FMO3: variants seen among roughly 807,000 people sequenced by gnomAD.
FMO3 encodes the protein flavin-containing monooxygenase 3.
A neutral mutation model predicts 39.4 loss-of-function variants in FMO3; 40 were observed. The ratio of observed to expected loss-of-function variants is 1.02; its 90% CI spans 0.79 to 1.32. The LOEUF (loss-of-function observed/expected upper bound fraction) is 1.32. FMO3 is among the 40% of genes most tolerant of loss of function. FMO3 has a pLI of 0.00. For missense variants in FMO3, 680 were observed against 651.8 expected (o/e 1.04, Z -0.47); for synonymous variants, 219 against 228.8 (o/e 0.96, Z 0.39).
At chr1:171,114,748 C>T (rs28363584) in intron 7 of FMO3, among the ~76,000 whole-genome samples, 6,006 of 152,142 alleles carry the variant, frequency 0.039, 376 homozygotes, top group African/African-American at 0.14. Context: ...AATATGTTTA[C>T]GAGCCAACAT....
Position 171,117,748 on chromosome 1 carries a change from T to C in FMO3, c.*306T>C, listed in dbSNP as rs1415297055. 1 of 255,152 alleles carries C rather than the reference T, an allele frequency of 3.9e-6. No individual in the cohort carries two copies. Among genetic ancestry groups the C allele is most frequent in the Non-Finnish European group, 7.5e-6 (1 of 133,836 alleles). 15.8% of individuals were successfully genotyped at this position (255,152 alleles called of 1,614,324 possible). A position where few individuals can be genotyped will look rare whatever the true frequency, so the allele number is the denominator to read the frequency against. On this transcript the variant is annotated 3_prime_UTR_variant, in exon 9 of 9. Coordinates refer to ENST00000367755, the MANE Select transcript of FMO3 (RefSeq NM_001002294.3). ...TGAAACATTTTGACATGATTCCTTT[T>C]TCCTTTTAAACAATGTATGAAAGAT... is the stretch of plus-strand genomic sequence containing the variant.
chr1:171,116,979 T>A, intron 8 of FMO3, 121 bp from the exon 9 acceptor site: 1 of 777,418 alleles, frequency 1.3e-6, no homozygotes, highest in South Asian at 1.5e-5. Flanking sequence ...GGGAAATTTT[T>A]TTAGAAAGAG....
rs774785217 is a variant in FMO3 at position 171,116,272 on chromosome 1, G to T, written c.1248G>T (p.Lys416Asn). The change falls in exon 8 of 9, where the codon AAG becomes AAT. Residue 416 changes from lysine (K) to asparagine (N), a missense_variant. Lys to Asn is a moderately conservative substitution (Grantham distance 94). Transcript: ENST00000367755. ...MNDINEKMEK[K>N]RKWFGKSETI... Reference sequence around the variant, plus strand: ...ATATTAATGAGAAAATGGAGAAAAAGCGCAAATGGTAAGAGTACCTATTGT... The same window carrying T: ...ATATTAATGAGAAAATGGAGAAAAATCGCAAATGGTAAGAGTACCTATTGT... 2.1e-5 allele frequency: 33 copies of T among 1,577,182 alleles called. No individual in the cohort carries two copies. In the African/African-American group the frequency reaches 4.0e-4, roughly 19 times the overall value.
chr1:171,104,380 T>G (rs1222138159), intron 3 of FMO3, among the ~76,000 whole-genome samples: 1 of 151,992 alleles, frequency 6.6e-6, no homozygotes, highest in Non-Finnish European at 1.5e-5. Flanking sequence ...AAGCTATATT[T>G]TCATGAAAAT....
At chr1:171,107,889 T>C (rs1655719808) in intron 4 of FMO3, 52 bp downstream of exon 4, 1 of 1,552,414 alleles carries the variant, frequency 6.4e-7, no homozygotes, top group Non-Finnish European at 8.9e-7. Flanking sequence ...AATGAATATC[T>C]TGATAATGTC....
rs1491505210 is a variant in FMO3 at position 171,096,071 on chromosome 1, T to TAATATATATTATATATAAATATA, written c.132+3281_132+3282insAATATATATTATATATAAATATA. Among the ~76,000 whole-genome samples, 443 of 53,600 alleles carry TAATATATATTATATATAAATATA rather than the reference T, an allele frequency of 8.3e-3. 11 individuals are homozygous for TAATATATATTATATATAAATATA. The highest frequency in any genetic ancestry group is 0.043 in the African/African-American group (416 of 9,596). The allele number at this position is 53,600 out of a possible 152,430, so 35.2% of individuals were successfully genotyped here. ...ATAAATATATAATATATATTATATA[T>TAATATATATTATATATAAATATA]TAATATATAATATATATTAATATTT... On this transcript the variant is annotated intron_variant, in intron 2 of 8. Transcript: ENST00000367755.
At chr1:171,098,437 C>T (rs1655206121) in intron 2 of FMO3, among the ~76,000 whole-genome samples, 1 of 152,100 alleles carries the variant, frequency 6.6e-6, no homozygotes, top group Non-Finnish European at 1.5e-5. Flanking sequence ...GAATGTTCTT[C>T]CATTTGTTTG....
chr1:171,096,038 T>TATTATATATTAATATAA (rs1654988719), intron 2 of FMO3, among the ~76,000 whole-genome samples: 1 of 66,024 alleles, frequency 1.5e-5, no homozygotes, highest in Non-Finnish European at 2.4e-5. Flanking sequence ...ATATAATATA[T>TATTATATATTAATATAA]ATTATATATA....
chr1:171,093,117 T>C (rs1297120601), intron 2 of FMO3, among the ~76,000 whole-genome samples: 1 of 118,920 alleles, frequency 8.4e-6, no homozygotes, highest in African/African-American at 3.8e-5. Context: ...ACAATAACTT[T>C]TCACATCTTT....
At position 171,107,564 on chromosome 1, in the gene FMO3, T is replaced by A. The variant is rs376520755; in HGVS notation, c.322-111T>A. 3.7e-5 allele frequency: 29 copies of A among 778,422 alleles called. No individual in the cohort carries two copies. In the South Asian group the frequency reaches 4.4e-4, roughly 12 times the overall value. 48.2% of individuals were successfully genotyped at this position (778,422 alleles called of 1,614,324 possible). On this transcript the variant is annotated intron_variant, in intron 3 of 8. Transcript: ENST00000367755. ...GAGGGAATTTTAAATTTGTAATATG[T>A]ATCTTAATCATTAAATATTTTTCTT... is the stretch of plus-strand genomic sequence containing the variant.
Position 171,114,362 on chromosome 1 carries a change from G to C in FMO3, c.1183G>C (p.Gly395Arg), listed in dbSNP as rs779619155. Residue 395 changes from glycine to arginine, a missense_variant and splice_region_variant, in exon 7 of 9, where the codon GGA becomes CGA. By Grantham distance (125) the Gly-to-Arg change is moderately radical. Coordinates refer to ENST00000367755, the MANE Select transcript of FMO3 (RefSeq NM_001002294.3). The stretch of plus-strand genomic sequence containing the variant: ...CCGCTGGGCAGCACAAGTAATAAAG[G>C]GTAAGTCAATAAAGAGGCTCATGGA... Reference protein sequence around the residue: ...QSRWAAQVIKGTCTLPSMEDM... With the variant: ...QSRWAAQVIKRTCTLPSMEDM... The C allele has an allele frequency of 1.2e-6, 2 of 1,607,576 alleles. No homozygotes were observed. Among genetic ancestry groups the C allele is most frequent in the South Asian group, 2.2e-5 (2 of 90,822 alleles).
At chr1:171,096,519 T>C (rs1262314449) in intron 2 of FMO3, among the ~76,000 whole-genome samples, 1 of 104,206 alleles carries the variant, frequency 9.6e-6, no homozygotes, top group Non-Finnish European at 1.7e-5. Flanking sequence ...ATTAAATACA[T>C]AATATACTTT....
At chr1:171,096,157 A>G (rs1194818550) in intron 2 of FMO3, among the ~76,000 whole-genome samples, 1 of 76,652 alleles carries the variant, frequency 1.3e-5, no homozygotes, top group Admixed American at 2.6e-4. Context: ...ATATGAATAT[A>G]TAATATATAT....
In FMO3 at chr1:171,108,191, TG is replaced by T. The variant is rs1444247111; in HGVS notation, c.598del (p.Ala200ProfsTer12). ...GCCTGGGGAATTCGGGCTGTGATAT[TG>T]CCACAGAACTCAGCCGCACAGCAGA... is the stretch of plus-strand genomic sequence containing the variant. ...VGLGNSGCDI[A>X]TELSRTAEQV... On this transcript the variant is annotated frameshift_variant, in exon 5 of 9. Transcript: ENST00000367755. LOFTEE classifies it high-confidence loss of function. The T allele has an allele frequency of 1.2e-6, 2 of 1,613,790 alleles. No individual in the cohort carries two copies. The highest frequency in any genetic ancestry group is 1.7e-6 in the Non-Finnish European group (2 of 1,179,906).
chr1:171,116,326 G>A (rs878966456), intron 8 of FMO3, 46 bp downstream of exon 8: 1 of 1,051,054 alleles, frequency 9.5e-7, no homozygotes, highest in South Asian at 1.4e-5. Flanking sequence ...CCATAGAAAA[G>A]TGAGAATTTA....
chr1:171,105,745 A>G (rs1655608994), intron 3 of FMO3, among the ~76,000 whole-genome samples: 1 of 152,116 alleles, frequency 6.6e-6, no homozygotes, highest in Admixed American at 6.5e-5. Context: ...TAGGCAGAAA[A>G]CCACGTTTAT....
At chr1:171,097,829 C>T (rs1655177218) in intron 2 of FMO3, among the ~76,000 whole-genome samples, 4 of 151,996 alleles carry the variant, frequency 2.6e-5, no homozygotes, top group Admixed American at 2.0e-4. Flanking sequence ...GCTTTTGTTG[C>T]CATTGCTTTT....
chr1:171,105,045 G>A (rs1480782536), intron 3 of FMO3, among the ~76,000 whole-genome samples: 3 of 134,654 alleles, frequency 2.2e-5, no homozygotes, highest in Non-Finnish European at 3.2e-5. Flanking sequence ...TTTTAAGTTG[G>A]TTAAATTTTC....
rs577042084 is a variant in FMO3 at position 171,102,903 on chromosome 1, A to G, written c.133-882A>G. Among the ~76,000 whole-genome samples, 10 of 152,336 alleles carry G rather than the reference A, an allele frequency of 6.6e-5. No homozygotes were observed. The East Asian group carries it at 1.5e-3, about 23-fold the overall frequency. On this transcript the variant is annotated intron_variant, in intron 2 of 8. Coordinates refer to ENST00000367755, the MANE Select transcript of FMO3 (RefSeq NM_001002294.3). ...TGAAAGCTAAAACTTTGTTACTTAC[A>G]TAAGTGCTTAAAAGGCATGCAATGC...
Sources: gnomAD v4.1 joint callset for allele counts (sites outside exome capture counted in the v4.1 genomes callset) on GRCh38, gnomAD v4.1.1 for gene constraint, MANE v1.5 for transcripts, NCBI Gene and HGNC (gene_info 2026-07-23, HGNC 2026-07-21) for gene names.